PTPRT: variants seen among roughly 807,000 people sequenced by gnomAD.
PTPRT encodes the protein protein tyrosine phosphatase receptor type T.
In PTPRT, 56 loss-of-function variants were observed where a neutral mutation model predicts 176.8. The ratio of observed to expected loss-of-function variants is 0.32; its 90% CI spans 0.26 to 0.40. PTPRT has a LOEUF of 0.40. PTPRT is among the 10% of genes least tolerant of loss of function. PTPRT has a pLI of 1.00. For synonymous variants in PTPRT, 783 were observed against 739.0 expected, an observed-to-expected ratio of 1.06 and a Z score of -0.96; for missense variants, 1,540 against 1,908.2, an observed-to-expected ratio of 0.81 and a Z score of 3.60.
chr20:42,806,482 CAAAAA>C lies in PTPRT; in HGVS notation c.215-15021_215-15017del, dbSNP rs11475047. On this transcript the variant is annotated intron_variant, in intron 2 of 30. Coordinates refer to ENST00000373187, the MANE Select transcript of PTPRT (RefSeq NM_007050.6). ...CTGGCGACAGAGCAAGACTCTGTCTCAAAAAAAAAAAAAAAAAAAACCCAAACCTT... is the reference window on the plus strand; with the variant it reads ...CTGGCGACAGAGCAAGACTCTGTCTCAAAAAAAAAAAAAAACCCAAACCTT... 7.0e-5 allele frequency among the ~76,000 whole-genome samples: 8 copies of C among 115,104 alleles called. No individual in the cohort carries two copies. In the South Asian group the frequency reaches 8.6e-4, roughly 12 times the overall value. The allele number at this position is 115,104 out of a possible 152,430, so 75.5% of individuals were successfully genotyped here.
intron 6 of PTPRT, among the ~76,000 whole-genome samples, chr20:42,705,295 TG>T (rs1196537071): frequency 3.9e-5 from 6 of 151,990 alleles, no homozygotes; most frequent in Non-Finnish European, 8.8e-5. Context: ...TTTATTCACT[TG>T]GGTGCAAGTG....
At chr20:42,217,025 C>T (rs924054347) in intron 15 of PTPRT, among the ~76,000 whole-genome samples, 1 of 152,108 alleles carries the variant, frequency 6.6e-6, no homozygotes, top group Non-Finnish European at 1.5e-5. Flanking sequence ...ATCTTCTGCC[C>T]CAGAGGGGAT....
chr20:42,168,118 A>G (rs1307910312), intron 16 of PTPRT, among the ~76,000 whole-genome samples: 2 of 152,210 alleles, frequency 1.3e-5, no homozygotes, highest in African/African-American at 4.8e-5. Context: ...GAAGTGGATC[A>G]TCATACAGTT....
chr20:42,115,166 G>C (rs773808576), intron 22 of PTPRT, 33 bp downstream of exon 22: 1 of 1,500,666 alleles, frequency 6.7e-7, no homozygotes, highest in East Asian at 2.3e-5. Context: ...CTCTCATGGT[G>C]GACCGGCTGC....
intron 1 of PTPRT, among the ~76,000 whole-genome samples, chr20:42,917,700 G>A (rs968215173): frequency 1.3e-5 from 2 of 152,058 alleles, no homozygotes; most frequent in African/African-American, 4.8e-5. Flanking sequence ...CCTGTACCTT[G>A]GTACTTGAGA....
chr20:42,220,092 A>G (rs1033825132), intron 15 of PTPRT, among the ~76,000 whole-genome samples: 10 of 152,054 alleles, frequency 6.6e-5, no homozygotes, highest in African/African-American at 2.4e-4. Flanking sequence ...CTGTGTATTT[A>G]TAATGAACAA....
chr20:42,978,139 C>T (rs1283816725), intron 1 of PTPRT, among the ~76,000 whole-genome samples: 4 of 152,118 alleles, frequency 2.6e-5, no homozygotes, highest in African/African-American at 7.2e-5. Flanking sequence ...ATACATACTA[C>T]GTTTTGTCCT....
intron 1 of PTPRT, among the ~76,000 whole-genome samples, chr20:43,117,116 T>A (rs915982081): frequency 6.6e-6 from 1 of 152,042 alleles, no homozygotes; most frequent in East Asian, 1.9e-4. Context: ...AGCAGAGACA[T>A]GCGCTGCTTC....
At position 42,110,505 on chromosome 20, in the gene PTPRT, C is replaced by T. The variant is rs995033008; in HGVS notation, c.3100-18G>A. ...TAGCCTTTCTGAGGAAAGAACGGGCCTCTGTTCTTCCAGCTGCTGCCCTCG... is the reference window on the plus strand; with the variant it reads ...TAGCCTTTCTGAGGAAAGAACGGGCTTCTGTTCTTCCAGCTGCTGCCCTCG... On this transcript the variant is annotated intron_variant, in intron 22 of 30. Coordinates refer to ENST00000373187, the MANE Select transcript of PTPRT (RefSeq NM_007050.6). The T allele has an allele frequency of 2.5e-6, 4 of 1,576,900 alleles. No individual in the cohort carries two copies. Among genetic ancestry groups the T allele is most frequent in the Non-Finnish European group, 3.5e-6 (4 of 1,157,370 alleles).
chr20:42,096,760 T>A (rs1441161715), intron 27 of PTPRT, among the ~76,000 whole-genome samples: 8 of 75,774 alleles, frequency 1.1e-4, no homozygotes, highest in African/African-American at 2.8e-4. Context: ...ATTAAAATTT[T>A]TTTTTTTTTT....
chr20:42,698,078 T>C lies in PTPRT; in HGVS notation c.860-19919A>G, dbSNP rs138704304. ...GCAGGCATTTATGGACTCTTCAAATTGCCCCATGAACTTCCTCTCCTACCT... is the reference window on the plus strand; with the variant it reads ...GCAGGCATTTATGGACTCTTCAAATCGCCCCATGAACTTCCTCTCCTACCT... On this transcript the variant is annotated intron_variant, in intron 6 of 30. Coordinates refer to ENST00000373187, the MANE Select transcript of PTPRT (RefSeq NM_007050.6). 3.0e-3 allele frequency among the ~76,000 whole-genome samples: 463 copies of C among 152,312 alleles called. 2 individuals are homozygous for C. Among genetic ancestry groups the C allele is most frequent in the African/African-American group, 9.9e-3 (412 of 41,572 alleles).
At chr20:42,205,608 T>G (rs1055302189) in intron 15 of PTPRT, among the ~76,000 whole-genome samples, 9 of 152,156 alleles carry the variant, frequency 5.9e-5, no homozygotes, top group African/African-American at 2.2e-4. Context: ...AGCCAACTGG[T>G]GGGGGCAGGA....
At chr20:42,514,222 C>T (rs2072017628) in intron 7 of PTPRT, among the ~76,000 whole-genome samples, 1 of 152,196 alleles carries the variant, frequency 6.6e-6, no homozygotes. Flanking sequence ...CCTGAAGTGG[C>T]TTGACCAATT....
chr20:43,020,731 G>A (rs1985636417), intron 1 of PTPRT, among the ~76,000 whole-genome samples: 1 of 152,146 alleles, frequency 6.6e-6, no homozygotes, highest in African/African-American at 2.4e-5. Flanking sequence ...TTTATGTTTT[G>A]AGGTTTTCAA....
intron 7 of PTPRT, among the ~76,000 whole-genome samples, chr20:42,600,453 A>G (rs1316215736): frequency 2.0e-5 from 3 of 151,998 alleles, no homozygotes; most frequent in Non-Finnish European, 2.9e-5. Flanking sequence ...ATTTTTTATT[A>G]TTATTATTTT....
intron 7 of PTPRT, among the ~76,000 whole-genome samples, chr20:42,550,727 GA>G (rs2072755825): frequency 6.6e-6 from 1 of 151,896 alleles, no homozygotes; most frequent in African/African-American, 2.4e-5. Context: ...TACACCTGTG[GA>G]AAAAAAGAGA....
chr20:42,344,425 G>A (rs1784197546), intron 11 of PTPRT, among the ~76,000 whole-genome samples: 1 of 152,196 alleles, frequency 6.6e-6, no homozygotes, highest in Non-Finnish European at 1.5e-5. Context: ...AGTCAGCTAT[G>A]GCAGGAAGAG....
intron 7 of PTPRT, among the ~76,000 whole-genome samples, chr20:42,523,356 A>C (rs771529679): frequency 1.3e-5 from 2 of 152,180 alleles, no homozygotes; most frequent in Non-Finnish European, 2.9e-5. Context: ...TTGAATGAAC[A>C]CAGAATTCAT....
intron 1 of PTPRT, among the ~76,000 whole-genome samples, chr20:43,171,551 C>A (rs571172953): frequency 1.4e-3 from 209 of 152,288 alleles, no homozygotes; most frequent in Non-Finnish European, 2.0e-3. Flanking sequence ...GAGAGGAAAA[C>A]TGATCTCCAA....
Sources: gnomAD v4.1 joint callset for allele counts (sites outside exome capture counted in the v4.1 genomes callset) on GRCh38, gnomAD v4.1.1 for gene constraint, MANE v1.5 for transcripts, NCBI Gene and HGNC (gene_info 2026-07-23, HGNC 2026-07-21) for gene names.